VPS13D: variants seen among roughly 807,000 people sequenced by gnomAD.
VPS13D encodes vacuolar protein sorting 13 homolog D.
A neutral mutation model predicts 461.9 loss-of-function variants in VPS13D; 187 were observed. That is an observed-to-expected ratio of 0.40 (90% CI 0.36 to 0.46). VPS13D has a LOEUF of 0.46. VPS13D is among the 20% of genes least tolerant of loss of function. VPS13D has a pLI of 0.60. For synonymous variants in VPS13D, 1,951 were observed against 1,986.3 expected (o/e 0.98, Z 0.47); for missense variants, 4,711 against 5,364.9 (o/e 0.88, Z 3.81).
chr1:12,420,020 C>T (rs767634469), intron 65 of VPS13D, among the ~76,000 whole-genome samples: 7 of 152,118 alleles, frequency 4.6e-5, no homozygotes, highest in Admixed American at 3.3e-4. Context: ...ATATGCAGCC[C>T]GTAGTTGACC....
intron 52 of VPS13D, 24 bp from the exon 53 acceptor site, chr1:12,368,444 C>A: frequency 6.3e-7 from 1 of 1,583,958 alleles, no homozygotes; most frequent in Non-Finnish European, 8.6e-7. Context: ...TTTATGTAGC[C>A]TCTTTTGTTT....
intron 1 of VPS13D, among the ~76,000 whole-genome samples, chr1:12,231,716 C>T (rs1639978595): frequency 1.3e-5 from 2 of 152,194 alleles, no homozygotes; most frequent in Admixed American, 1.3e-4. Context: ...TGGCCGGGCA[C>T]GGTGGCTCAC....
intron 52 of VPS13D, among the ~76,000 whole-genome samples, chr1:12,364,194 C>T (rs562070659): frequency 2.0e-5 from 3 of 152,234 alleles, no homozygotes; most frequent in African/African-American, 7.2e-5. Context: ...AACTGAAACT[C>T]TGTACCCGTT....
intron 67 of VPS13D, among the ~76,000 whole-genome samples, chr1:12,469,220 G>GGACC (rs1414845432): frequency 6.6e-6 from 1 of 151,982 alleles, no homozygotes; most frequent in African/African-American, 2.4e-5. Flanking sequence ...TACGGTCTAG[G>GGACC]GACCCCCTGC....
intron 67 of VPS13D, chr1:12,465,213 T>C (rs1335012081): frequency 6.6e-6 from 1 of 152,238 alleles, no homozygotes; most frequent in East Asian, 1.9e-4. Flanking sequence ...TTTCTCCAAA[T>C]ACCATCTGTT....
intron 22 of VPS13D, among the ~76,000 whole-genome samples, chr1:12,289,088 T>C (rs1642053587): frequency 6.6e-6 from 1 of 152,176 alleles, no homozygotes; most frequent in East Asian, 1.9e-4. Flanking sequence ...GTCATCCTCC[T>C]GCCTCTGCCT....
At chr1:12,458,651 A>G (rs539874119) in intron 66 of VPS13D, among the ~76,000 whole-genome samples, 13 of 152,190 alleles carry the variant, frequency 8.5e-5, no homozygotes, top group Admixed American at 3.3e-4. Context: ...GTGAATTGTT[A>G]GTACATTCTC....
intron 46 of VPS13D, among the ~76,000 whole-genome samples, chr1:12,352,898 G>A (rs1364004723): frequency 2.9e-5 from 4 of 135,888 alleles, no homozygotes; most frequent in Non-Finnish European, 6.2e-5. Context: ...CCAGGAGGCA[G>A]AGGTTGCAGT....
intron 54 of VPS13D, among the ~76,000 whole-genome samples, chr1:12,372,347 G>A (rs2101631280): frequency 6.6e-6 from 1 of 152,288 alleles, no homozygotes; most frequent in South Asian, 2.1e-4. Context: ...ACAGGTGTGA[G>A]TCACTGTGCC....
chr1:12,378,456 G>A lies in VPS13D; in HGVS notation c.10946G>A (p.Arg3649Lys), dbSNP rs773045673. The stretch of plus-strand genomic sequence containing the variant: ...CCAGGAAAGCGTTCTCAGCTGTGGA[G>A]GATGACAGGAACAGGAATGCTGGCC... ...KEPGKRSQLW[R>K]MTGTGMLAHE... Residue 3649 changes from arginine to lysine, a missense_variant, in exon 56 of 70, where the codon AGG becomes AAG. This residue lies in a region of VPS13D where 4,411 missense variants were observed against 4,937.8 expected (regional missense o/e 0.89). Transcript: ENST00000620676. The A allele has an allele frequency of 6.2e-7, 1 of 1,610,710 alleles. No homozygotes were observed. Among genetic ancestry groups the A allele is most frequent in the South Asian group, 1.1e-5 (1 of 90,540 alleles).
At position 12,276,123 on chromosome 1, in the gene VPS13D, A is replaced by G; in HGVS notation, c.2535A>G (p.Pro845=). 6.2e-7 allele frequency: 1 copy of G among 1,614,158 alleles called. No homozygotes were observed. Among genetic ancestry groups the G allele is most frequent in the Non-Finnish European group, 8.5e-7 (1 of 1,180,030 alleles). ...ATGTCCAGGATATTGACGTGGGACC[A>G]ACACATGTGGTAGAGAAGTTCAACG... ...WKHVQDIDVG[P]THVVEKFNVH... is the part of the protein sequence containing the mutation. The change falls in exon 19 of 70, where the codon CCA becomes CCG. Residue 845 remains proline, a synonymous_variant. Transcript: ENST00000620676. The surrounding 1 kb of genome is among the most constrained non-coding windows in gnomAD (Gnocchi z 4.5).
chr1:12,420,704 G>A (rs1323887279), intron 65 of VPS13D, among the ~76,000 whole-genome samples: 1 of 152,204 alleles, frequency 6.6e-6, no homozygotes, highest in African/African-American at 2.4e-5. Flanking sequence ...GGGGCTGGTA[G>A]TCAGGATTGC....
intron 58 of VPS13D, 148 bp downstream of exon 58, chr1:12,383,303 C>A: frequency 1.2e-6 from 1 of 825,672 alleles, no homozygotes; most frequent in Non-Finnish European, 1.8e-6. Flanking sequence ...GGATCTACCT[C>A]ACAAAGTTGT....
intron 67 of VPS13D, among the ~76,000 whole-genome samples, chr1:12,461,120 G>A (rs553231955): frequency 7.2e-4 from 110 of 152,144 alleles, no homozygotes; most frequent in Non-Finnish European, 1.2e-3. Flanking sequence ...TGACTAATTG[G>A]GGATTCTTAT....
At position 12,273,726 on chromosome 1, in the gene VPS13D, ATACT is replaced by A. The variant is rs1412135792; in HGVS notation, c.2236+593_2236+596del. Among the ~76,000 whole-genome samples the A allele has an allele frequency of 2.1e-4, 32 of 152,132 alleles. 1 individual carries two copies. In the South Asian group the frequency reaches 6.0e-3, roughly 29 times the overall value. ...TTATTCTGTGTTGTAATATATACCGATACTTCCTTCCTTCGTATAGCCGAATAAT... is the reference window on the plus strand; with the variant it reads ...TTATTCTGTGTTGTAATATATACCGATCCTTCCTTCGTATAGCCGAATAAT... On this transcript the variant is annotated intron_variant, in intron 18 of 69. Coordinates refer to ENST00000620676, the MANE Select transcript of VPS13D (RefSeq NM_015378.4).
intron 67 of VPS13D, among the ~76,000 whole-genome samples, chr1:12,482,371 G>C (rs1245180308): frequency 6.6e-6 from 1 of 152,230 alleles, no homozygotes; most frequent in African/African-American, 2.4e-5. Context: ...TGCGGTATAT[G>C]ATGGTAGAAA....
intron 67 of VPS13D, chr1:12,478,575 G>C: frequency 2.9e-6 from 1 of 346,288 alleles, no homozygotes; most frequent in South Asian, 2.2e-5. Context: ...AATAGAACCA[G>C]CTGCCATTCA....
chr1:12,454,917 C>G (rs189790757), intron 65 of VPS13D, among the ~76,000 whole-genome samples: 17 of 152,372 alleles, frequency 1.1e-4, no homozygotes, highest in South Asian at 2.1e-4. Flanking sequence ...TGATATCCTT[C>G]TCTTTTTATG....
At chr1:12,397,847 A>C (rs1405528123) in intron 60 of VPS13D, among the ~76,000 whole-genome samples, 1 of 152,180 alleles carries the variant, frequency 6.6e-6, no homozygotes, top group Non-Finnish European at 1.5e-5. Context: ...TGGTCACTAG[A>C]AACCATTTCA....
Sources: gnomAD v4.1 joint callset for allele counts (sites outside exome capture counted in the v4.1 genomes callset) on GRCh38, gnomAD v4.1.1 for gene constraint, gnomAD v4.1.1 regional missense constraint, Gnocchi (gnomAD v3.1) non-coding constraint, MANE v1.5 for transcripts, NCBI Gene and HGNC (gene_info 2026-07-23, HGNC 2026-07-21) for gene names.